The following EPHA7 variants were observed in gnomAD, a reference collection of about 807,000 sequenced individuals.
EPHA7 encodes the protein EPH receptor A7.
Under a neutral mutation model 112.6 loss-of-function variants are expected in EPHA7, and 25 were observed. The ratio of observed to expected loss-of-function variants is 0.22; its 90% CI spans 0.16 to 0.31. The LOEUF (loss-of-function observed/expected upper bound fraction) is 0.31. Ranked by LOEUF, EPHA7 falls within the 10% of genes least tolerant of loss-of-function variation. EPHA7 has a pLI of 1.00. For synonymous variants in EPHA7, 437 were observed against 406.5 expected (o/e 1.07, Z -0.90); for missense variants, 962 against 1,212.6 (o/e 0.79, Z 3.07).
At chr6:93,318,488 C>T (rs1773914276) in intron 5 of EPHA7, among the ~76,000 whole-genome samples, 1 of 151,800 alleles carries the variant, frequency 6.6e-6, no homozygotes, top group African/African-American at 2.4e-5. Flanking sequence ...ACAGGTAATG[C>T]AATAAATTAT....
At chr6:93,377,773 C>A (rs1333272423) in intron 3 of EPHA7, among the ~76,000 whole-genome samples, 3 of 152,016 alleles carry the variant, frequency 2.0e-5, no homozygotes, top group Non-Finnish European at 4.4e-5. Flanking sequence ...TTCTTTTGAC[C>A]CTCTCATAAC....
intron 3 of EPHA7, among the ~76,000 whole-genome samples, chr6:93,380,034 T>G (rs1777255942): frequency 6.6e-6 from 1 of 152,130 alleles, no homozygotes. Flanking sequence ...TAAAGCACCC[T>G]GATTTAGTAT....
chr6:93,245,192 G>A (rs1262274858), intron 16 of EPHA7, 106 bp downstream of exon 16: 1 of 1,077,960 alleles, frequency 9.3e-7, no homozygotes, highest in African/African-American at 1.6e-5. Context: ...TTTTTATCTT[G>A]ATTTTGGGAT....
intron 3 of EPHA7, among the ~76,000 whole-genome samples, chr6:93,383,992 T>C (rs1365414169): frequency 6.6e-6 from 1 of 152,112 alleles, no homozygotes; most frequent in African/African-American, 2.4e-5. Context: ...ATGGCCAACA[T>C]GAGTTTTTGG....
chr6:93,277,296 C>T (rs1771515566), intron 5 of EPHA7, among the ~76,000 whole-genome samples: 1 of 151,918 alleles, frequency 6.6e-6, no homozygotes, highest in Non-Finnish European at 1.5e-5. Context: ...TACAAATTTG[C>T]TTAAATAATG....
At chr6:93,354,600 G>T (rs1775849885) in intron 5 of EPHA7, among the ~76,000 whole-genome samples, 1 of 138,106 alleles carries the variant, frequency 7.2e-6, no homozygotes, top group African/African-American at 2.7e-5. Flanking sequence ...TATATTTATT[G>T]TACATTTAAA....
chr6:93,290,902 C>A (rs1205499002), intron 5 of EPHA7, among the ~76,000 whole-genome samples: 1 of 152,134 alleles, frequency 6.6e-6, no homozygotes, highest in African/African-American at 2.4e-5. Context: ...CTGGATTCTG[C>A]ATTTCATCAT....
At chr6:93,294,486 G>A (rs1187966503) in intron 5 of EPHA7, among the ~76,000 whole-genome samples, 1 of 151,996 alleles carries the variant, frequency 6.6e-6, no homozygotes, top group Non-Finnish European at 1.5e-5. Flanking sequence ...TATATTTTTT[G>A]ATGGGTAACT....
At chr6:93,379,945 T>C (rs1440714590) in intron 3 of EPHA7, among the ~76,000 whole-genome samples, 1 of 152,074 alleles carries the variant, frequency 6.6e-6, no homozygotes, top group Admixed American at 6.6e-5. Flanking sequence ...TTTCCCAGTA[T>C]CAATCTGCTC....
Position 93,411,012 on chromosome 6 carries a change from C to T in EPHA7, c.321G>A (p.Arg107=), listed in dbSNP as rs1475790428. The stretch of plus-strand genomic sequence containing the variant: ...GTACTCCAGGAAGACTGTTACAATC[C>T]CTCAGGGTGAATTTCAATTCTACAA... ...RIFVELKFTL[R]DCNSLPGVLG... The change falls in exon 3 of 17, where the codon AGG becomes AGA. Residue 107 remains arginine (R), a synonymous_variant. Coordinates refer to ENST00000369303, the MANE Select transcript of EPHA7 (RefSeq NM_004440.4). 1 of 1,614,006 alleles carries T rather than the reference C, an allele frequency of 6.2e-7. No homozygotes were observed. The highest frequency in any genetic ancestry group is 2.2e-5 in the East Asian group (1 of 44,872).
At chr6:93,363,519 T>A (rs920777190) in intron 3 of EPHA7, among the ~76,000 whole-genome samples, 2 of 152,052 alleles carry the variant, frequency 1.3e-5, no homozygotes, top group African/African-American at 4.8e-5. Flanking sequence ...AAAATGCAGA[T>A]CAAAACCACA....
intron 3 of EPHA7, among the ~76,000 whole-genome samples, chr6:93,376,348 TCAGGCTGGTCTCAAATTCCTGGTGC>T (rs1413112678): frequency 6.6e-6 from 1 of 152,006 alleles, no homozygotes; most frequent in Non-Finnish European, 1.5e-5. Flanking sequence ...GCTATATTGC[TCAGGCTGGTCTCAAATTCCTGGTGC>T]CAGGCGACCC....
At chr6:93,243,575 T>G in intron 16 of EPHA7, 35 bp from the exon 17 acceptor site, 2 of 1,377,038 alleles carry the variant, frequency 1.5e-6, no homozygotes, top group Non-Finnish European at 1.0e-6. Flanking sequence ...ATTAGGTACC[T>G]TACAAAGAAT....
At chr6:93,338,314 G>A (rs1774975134) in intron 5 of EPHA7, among the ~76,000 whole-genome samples, 3 of 151,978 alleles carry the variant, frequency 2.0e-5, no homozygotes, top group Admixed American at 2.0e-4. Context: ...GTTTGAAATA[G>A]TCTAAGCAGG....
intron 5 of EPHA7, among the ~76,000 whole-genome samples, chr6:93,318,106 C>T (rs142752718): frequency 4.6e-5 from 7 of 152,272 alleles, no homozygotes; most frequent in African/African-American, 1.7e-4. Context: ...TACTGTACTC[C>T]TATGTGTTAA....
chr6:93,261,849 T>A (rs57565122), intron 9 of EPHA7, among the ~76,000 whole-genome samples: 15,798 of 151,462 alleles, frequency 0.1, 1,096 homozygotes, highest in Non-Finnish European at 0.15. Flanking sequence ...AAAAAGTGAA[T>A]GGCATAAAAA....
chr6:93,295,701 AT>A (rs1200936801), intron 5 of EPHA7, among the ~76,000 whole-genome samples: 1 of 151,580 alleles, frequency 6.6e-6, no homozygotes, highest in Non-Finnish European at 1.5e-5. Context: ...TCCCTACATA[AT>A]TGTCTTTACT....
chr6:93,255,144 G>T (rs2127855517), intron 13 of EPHA7, among the ~76,000 whole-genome samples: 1 of 151,986 alleles, frequency 6.6e-6, no homozygotes, highest in African/African-American at 2.4e-5. Flanking sequence ...AGGAGTTCAA[G>T]ATCAGCCTGG....
intron 7 of EPHA7, among the ~76,000 whole-genome samples, chr6:93,266,308 C>A (rs345723): frequency 6.6e-6 from 1 of 151,264 alleles, no homozygotes; most frequent in South Asian, 2.1e-4. Context: ...TCCATTCAAC[C>A]GATGTGTCCC....
Sources: allele counts gnomAD v4.1 joint callset (sites outside exome capture counted in the v4.1 genomes callset), GRCh38; gene constraint gnomAD v4.1.1; transcripts MANE v1.5; gene names NCBI Gene and HGNC (gene_info 2026-07-23, HGNC 2026-07-21).